The following BICD1 variants were observed in gnomAD, a reference collection of about 807,000 sequenced individuals.
BICD1 encodes the protein BICD cargo adaptor 1, also known as protein bicaudal D homolog 1.
In BICD1, 35 loss-of-function variants were observed where a neutral mutation model predicts 92.5. The observed-to-expected ratio is 0.38, with a 90% CI of 0.29 to 0.50. The LOEUF is 0.50. Ranked by LOEUF, BICD1 falls within the 20% of genes least tolerant of loss-of-function variation. BICD1 has a pLI of 0.93. For missense variants in BICD1, 950 were observed against 1,189.8 expected (o/e 0.80, Z 2.97); for synonymous variants, 429 against 465.1 (o/e 0.92, Z 1.00).
intron 5 of BICD1, 66 bp from the exon 6 acceptor site, chr12:32,334,450 T>G: frequency 6.7e-7 from 1 of 1,483,292 alleles, no homozygotes; most frequent in Admixed American, 2.2e-5. Flanking sequence ...AGGCACAGCA[T>G]GAAGCAATCT....
chr12:32,305,759 C>T lies in BICD1; in HGVS notation c.642C>T (p.Asn214=). The T allele has an allele frequency of 6.2e-7, 1 of 1,614,138 alleles. No individual in the cohort carries two copies. The highest frequency in any genetic ancestry group is 2.2e-5 in the East Asian group (1 of 44,886). The change falls in exon 4 of 10, where the codon AAC becomes AAT. Residue 214 remains asparagine (N), a synonymous_variant. Coordinates refer to ENST00000652176, the MANE Select transcript of BICD1 (RefSeq NM_001714.4). ...TTGAGGAGGAGACGGTACTGCTGAA[C>T]AGCCAGCTGGAAGATGCCATCCGAT... The part of the protein sequence containing the change: ...KRFEEETVLL[N]SQLEDAIRLK...
At chr12:32,374,021 C>G (rs941726528) in intron 9 of BICD1, among the ~76,000 whole-genome samples, 1 of 151,760 alleles carries the variant, frequency 6.6e-6, no homozygotes, top group African/African-American at 2.4e-5. Context: ...CGAGACCAGC[C>G]TGGGCAACAT....
chr12:32,116,472 CTCTCTCTCTCTCTCTCTCTT>C (rs879907402), intron 1 of BICD1, among the ~76,000 whole-genome samples: 4,565 of 101,822 alleles, frequency 0.045, 91 homozygotes, highest in African/African-American at 0.076. Context: ...GTCTCTCTCT[CTCTCTCTCTCTCTCTCTCTT>C]TCTCTCTCTC....
chr12:32,107,308 C>T lies in BICD1; in HGVS notation c.-24C>T, dbSNP rs753573155. ...TCCATCTCCCCCACCCCGTAACCCCCTCCTGCCTCCATCCACCGGGGCTAT... is the reference window on the plus strand; with the variant it reads ...TCCATCTCCCCCACCCCGTAACCCCTTCCTGCCTCCATCCACCGGGGCTAT... On this transcript the variant is annotated 5_prime_UTR_variant, in exon 1 of 10. Coordinates refer to ENST00000652176, the MANE Select transcript of BICD1 (RefSeq NM_001714.4). 2.5e-6 allele frequency: 4 copies of T among 1,572,598 alleles called. No individual in the cohort carries two copies. Among genetic ancestry groups the T allele is most frequent in the Non-Finnish European group, 2.6e-6 (3 of 1,156,766 alleles).
At chr12:32,135,067 C>T (rs759689721) in intron 1 of BICD1, among the ~76,000 whole-genome samples, 43 of 106,520 alleles carry the variant, frequency 4.0e-4, no homozygotes, top group Non-Finnish European at 6.3e-4. Context: ...TTCCCCTCCC[C>T]TCCCCTTCCC....
chr12:32,224,208 T>C (rs982426672), intron 2 of BICD1, among the ~76,000 whole-genome samples: 7 of 152,204 alleles, frequency 4.6e-5, no homozygotes, highest in African/African-American at 7.2e-5. Context: ...TTTCCTGGCC[T>C]GTTCCTGTCT....
At chr12:32,327,055 C>A (rs1049152097) in intron 4 of BICD1, among the ~76,000 whole-genome samples, 8 of 152,068 alleles carry the variant, frequency 5.3e-5, no homozygotes, top group African/African-American at 1.9e-4. Context: ...TCATAGGCAC[C>A]CTGATACAGT....
chr12:32,151,714 G>A lies in BICD1; in HGVS notation c.213+44170G>A, dbSNP rs77504880. On this transcript the variant is annotated intron_variant, in intron 1 of 9. Transcript: ENST00000652176. ...ATAACAGGGACAGCAGAAGGAAGAGGAGCAGGGACTGAAAGCCACTGAGTC... is the reference window on the plus strand; with the variant it reads ...ATAACAGGGACAGCAGAAGGAAGAGAAGCAGGGACTGAAAGCCACTGAGTC... Among the ~76,000 whole-genome samples the A allele has an allele frequency of 2.4e-3, 359 of 152,306 alleles. 2 individuals carry two copies. The highest frequency in any genetic ancestry group is 7.0e-3 in the South Asian group (34 of 4,828).
intron 2 of BICD1, among the ~76,000 whole-genome samples, chr12:32,282,244 A>C (rs1227363434): frequency 1.9e-5 from 2 of 107,768 alleles, no homozygotes; most frequent in Non-Finnish European, 1.7e-5. Context: ...TTTTTGACAC[A>C]GGGTCTCACT....
intron 1 of BICD1, among the ~76,000 whole-genome samples, chr12:32,171,121 C>G (rs777900745): frequency 1.7e-4 from 26 of 152,202 alleles, no homozygotes; most frequent in Non-Finnish European, 3.5e-4. Flanking sequence ...GGGGATGCCT[C>G]TCAATAGAGA....
At chr12:32,157,886 T>G (rs777419785) in intron 1 of BICD1, among the ~76,000 whole-genome samples, 77 of 151,290 alleles carry the variant, frequency 5.1e-4, no homozygotes, top group Non-Finnish European at 3.4e-4. Flanking sequence ...GACTGCCTGT[T>G]TAGGTCCTGG....
chr12:32,353,558 C>T (rs2650132), intron 8 of BICD1: 2 of 149,340 alleles, frequency 1.3e-5, no homozygotes, highest in Non-Finnish European at 3.0e-5. Context: ...AGAATATTTT[C>T]TAGTGTGATT....
At chr12:32,341,408 G>A (rs953505146) in intron 8 of BICD1, among the ~76,000 whole-genome samples, 1 of 146,240 alleles carries the variant, frequency 6.8e-6, no homozygotes, top group African/African-American at 2.6e-5. Context: ...AAGTTTCAGC[G>A]AACCGAGATC....
intron 4 of BICD1, among the ~76,000 whole-genome samples, chr12:32,307,554 AATCTTCAATCTCAATCTT>A (rs1163880645): frequency 1.3e-5 from 2 of 152,222 alleles, no homozygotes; most frequent in Non-Finnish European, 2.9e-5. Flanking sequence ...TTTGAGGCTT[AATCTTCAATCTCAATCTT>A]ATCTCTCCAA....
intron 2 of BICD1, chr12:32,228,014 G>A (rs954336602): frequency 4.9e-5 from 12 of 244,636 alleles, no homozygotes; most frequent in Non-Finnish European, 9.9e-5. Flanking sequence ...GGTAGACGAT[G>A]CCTTTCTTGG....
chr12:32,336,034 G>A (rs1329827521), intron 6 of BICD1, among the ~76,000 whole-genome samples: 3 of 152,114 alleles, frequency 2.0e-5, no homozygotes, highest in African/African-American at 7.2e-5. Flanking sequence ...GATCTCTTGA[G>A]CTTTATAGGA....
intron 1 of BICD1, among the ~76,000 whole-genome samples, chr12:32,149,441 C>A (rs1333495116): frequency 6.6e-6 from 1 of 152,084 alleles, no homozygotes; most frequent in Non-Finnish European, 1.5e-5. Flanking sequence ...TATGGGGAAA[C>A]CATATTTTTT....
At chr12:32,285,818 C>T (rs1167105625) in intron 2 of BICD1, among the ~76,000 whole-genome samples, 1 of 152,056 alleles carries the variant, frequency 6.6e-6, no homozygotes, top group Non-Finnish European at 1.5e-5. Flanking sequence ...TTTAGCAGAG[C>T]TCAGCGCCAT....
chr12:32,129,506 C>A lies in BICD1; in HGVS notation c.213+21962C>A, dbSNP rs182312832. On this transcript the variant is annotated intron_variant, in intron 1 of 9. Coordinates refer to ENST00000652176, the MANE Select transcript of BICD1 (RefSeq NM_001714.4). Reference sequence around the variant, plus strand: ...CGCAACTATACTCCAGCCTGGGCGACAGAGCGAGATTCCATCTCAAAAAAA... The same window carrying A: ...CGCAACTATACTCCAGCCTGGGCGAAAGAGCGAGATTCCATCTCAAAAAAA... Among the ~76,000 whole-genome samples the A allele has an allele frequency of 1.9e-4, 24 of 124,014 alleles. No homozygotes were observed. The East Asian group carries it at 3.4e-3, about 18-fold the overall frequency. 81.4% of individuals were successfully genotyped at this position (124,014 alleles called of 152,430 possible). A position where few individuals can be genotyped will look rare whatever the true frequency, so the allele number is the denominator to read the frequency against.
Sources: allele counts gnomAD v4.1 joint callset (sites outside exome capture counted in the v4.1 genomes callset), GRCh38; gene constraint gnomAD v4.1.1; transcripts MANE v1.5; gene names NCBI Gene and HGNC (gene_info 2026-07-23, HGNC 2026-07-21).